REEP3: variants seen among roughly 807,000 people sequenced by gnomAD.
The protein encoded by REEP3 is receptor accessory protein 3, also known as receptor expression-enhancing protein 3.
REEP3 carries 20 observed loss-of-function variants against 41.3 expected under a neutral mutation model. The ratio of observed to expected loss-of-function variants is 0.48; its 90% CI spans 0.34 to 0.70. The LOEUF is 0.70. Ranked by LOEUF, REEP3 falls within the 30% of genes least tolerant of loss-of-function variation. The probability of loss-of-function intolerance (pLI) is 0.01; values close to 1 mark genes in which losing one functional copy is unlikely to be tolerated. For missense variants in REEP3, 271 were observed against 308.8 expected, an observed-to-expected ratio of 0.88 and a Z score of 0.92; for synonymous variants, 104 against 101.8, an observed-to-expected ratio of 1.02 and a Z score of -0.13.
At position 63,535,494 on chromosome 10, in the gene REEP3, A is replaced by G. The variant is rs181707036; in HGVS notation, c.32+13917A>G. On this transcript the variant is annotated intron_variant, in intron 1 of 7. Transcript: ENST00000373758. ...TGTTTTCATGGAACCTGATAGGCTA[A>G]TTACCTATAAAGTTCATATGAAAGA... 3.4e-3 allele frequency among the ~76,000 whole-genome samples: 516 copies of G among 152,298 alleles called. 2 individuals carry two copies. The highest frequency in any genetic ancestry group is 4.0e-3 in the Non-Finnish European group (270 of 68,010).
At chr10:63,603,998 A>C (rs1276985873) in intron 5 of REEP3, among the ~76,000 whole-genome samples, 1 of 152,206 alleles carries the variant, frequency 6.6e-6, no homozygotes, top group Non-Finnish European at 1.5e-5. Flanking sequence ...CAACAGTAAG[A>C]TCTGAAAATT....
intron 1 of REEP3, among the ~76,000 whole-genome samples, chr10:63,562,180 A>G (rs533874420): frequency 5.9e-5 from 9 of 151,918 alleles, no homozygotes; most frequent in Admixed American, 6.6e-5. Flanking sequence ...ACAGCTAAAA[A>G]TCCTGTATCC....
At chr10:63,583,447 G>T (rs557935172) in intron 2 of REEP3, among the ~76,000 whole-genome samples, 1 of 152,304 alleles carries the variant, frequency 6.6e-6, no homozygotes, top group East Asian at 1.9e-4. Context: ...GGGCTGTTAT[G>T]TTCCCTAAAG....
At chr10:63,584,027 A>T (rs1433323708) in intron 2 of REEP3, among the ~76,000 whole-genome samples, 1 of 151,782 alleles carries the variant, frequency 6.6e-6, no homozygotes, top group Non-Finnish European at 1.5e-5. Flanking sequence ...AGTTTCTTAG[A>T]CTCTACTGAG....
At chr10:63,553,448 G>C (rs1955648194) in intron 1 of REEP3, among the ~76,000 whole-genome samples, 1 of 152,118 alleles carries the variant, frequency 6.6e-6, no homozygotes, top group African/African-American at 2.4e-5. Context: ...ACCTGTTATT[G>C]TTTAATGGAG....
intron 2 of REEP3, among the ~76,000 whole-genome samples, chr10:63,567,533 T>C (rs1383297725): frequency 6.6e-6 from 1 of 152,224 alleles, no homozygotes; most frequent in African/African-American, 2.4e-5. Flanking sequence ...TTCCTTTTTA[T>C]GGCTGAGTAA....
At position 63,622,449 on chromosome 10, in the gene REEP3, A is replaced by G. The variant is rs568169847; in HGVS notation, c.*1580A>G. The G allele has an allele frequency of 6.6e-6, 1 of 152,344 alleles. No homozygotes were observed. Among genetic ancestry groups the G allele is most frequent in the East Asian group, 1.9e-4 (1 of 5,184 alleles). 9.4% of individuals were successfully genotyped at this position (152,344 alleles called of 1,614,324 possible). A position where few individuals can be genotyped will look rare whatever the true frequency, so the allele number is the denominator to read the frequency against. The stretch of plus-strand genomic sequence containing the variant: ...CTTCTCCCAACGTTTAATTCTGAAT[A>G]ACTCTATCTACTTTACCCTAATTTT... On this transcript the variant is annotated 3_prime_UTR_variant, in exon 8 of 8. Transcript: ENST00000373758.
At chr10:63,536,727 C>A in intron 1 of REEP3, among the ~76,000 whole-genome samples, 1 of 151,924 alleles carries the variant, frequency 6.6e-6, no homozygotes, top group East Asian at 1.9e-4. Flanking sequence ...GAAGAGGAAA[C>A]CAATGGCAAC....
chr10:63,557,627 G>A (rs1352917634), intron 1 of REEP3, among the ~76,000 whole-genome samples: 1 of 152,124 alleles, frequency 6.6e-6, no homozygotes, highest in Non-Finnish European at 1.5e-5. Flanking sequence ...GGTTTGCCTG[G>A]CACCTTAGAG....
At chr10:63,533,582 CTAAGT>C (rs1329137810) in intron 1 of REEP3, among the ~76,000 whole-genome samples, 4 of 151,638 alleles carry the variant, frequency 2.6e-5, no homozygotes, top group African/African-American at 7.3e-5. Flanking sequence ...CTTTGTATAC[CTAAGT>C]TAATTTTGTA....
chr10:63,576,493 C>G (rs1025151872), intron 2 of REEP3, among the ~76,000 whole-genome samples: 1 of 152,166 alleles, frequency 6.6e-6, no homozygotes, highest in Non-Finnish European at 1.5e-5. Context: ...TAGGACTCGC[C>G]CCTCATGTCT....
chr10:63,588,836 T>C (rs569501435), intron 2 of REEP3, among the ~76,000 whole-genome samples: 1 of 152,180 alleles, frequency 6.6e-6, no homozygotes, highest in African/African-American at 2.4e-5. Flanking sequence ...ATAGGAGATA[T>C]TCGAACACAG....
chr10:63,554,323 G>T (rs973981249), intron 1 of REEP3, among the ~76,000 whole-genome samples: 1 of 152,152 alleles, frequency 6.6e-6, no homozygotes, highest in Non-Finnish European at 1.5e-5. Context: ...TTAAAGACAT[G>T]CATATTCCTT....
chr10:63,528,440 T>G (rs1955387457), intron 1 of REEP3, among the ~76,000 whole-genome samples: 2 of 152,158 alleles, frequency 1.3e-5, no homozygotes, highest in Admixed American at 1.3e-4. Context: ...CTCACCACCT[T>G]TACATACACC....
chr10:63,554,659 A>G (rs1286610321), intron 1 of REEP3, among the ~76,000 whole-genome samples: 1 of 152,198 alleles, frequency 6.6e-6, no homozygotes. Flanking sequence ...GAACAATAGC[A>G]CCTACCTCGC....
chr10:63,622,290 A>G lies in REEP3; in HGVS notation c.*1421A>G, dbSNP rs1046271514. 6.6e-6 allele frequency: 1 copy of G among 152,172 alleles called. No individual in the cohort carries two copies. The highest frequency in any genetic ancestry group is 1.9e-4 in the East Asian group (1 of 5,200). 9.4% of individuals were successfully genotyped at this position (152,172 alleles called of 1,614,324 possible). ...TGTATATTCAGGACTTCCTCAGAGT[A>G]TTGGCCAAGAACATAATGTTTACAC... On this transcript the variant is annotated 3_prime_UTR_variant, in exon 8 of 8. Coordinates refer to ENST00000373758, the MANE Select transcript of REEP3 (RefSeq NM_001001330.3).
At chr10:63,589,038 G>A (rs1956033189) in intron 2 of REEP3, among the ~76,000 whole-genome samples, 1 of 152,144 alleles carries the variant, frequency 6.6e-6, no homozygotes, top group African/African-American at 2.4e-5. Flanking sequence ...GATTGCTGGA[G>A]CCACGTAGAT....
At chr10:63,560,848 C>T (rs1288650024) in intron 1 of REEP3, among the ~76,000 whole-genome samples, 1 of 152,120 alleles carries the variant, frequency 6.6e-6, no homozygotes, top group Admixed American at 6.5e-5. Context: ...CAGACATCTA[C>T]AGTAGACCCC....
intron 1 of REEP3, among the ~76,000 whole-genome samples, chr10:63,550,115 A>G (rs976526337): frequency 6.6e-6 from 1 of 152,252 alleles, no homozygotes; most frequent in Non-Finnish European, 1.5e-5. Context: ...GCGTGAGCCC[A>G]AATGTGTTAT....
Sources: allele counts gnomAD v4.1 joint callset (sites outside exome capture counted in the v4.1 genomes callset), GRCh38; gene constraint gnomAD v4.1.1; transcripts MANE v1.5; gene names NCBI Gene and HGNC (gene_info 2026-07-23, HGNC 2026-07-21).